Variants in LY6S observed in about 807,000 individuals in gnomAD.
LY6S encodes the protein lymphocyte antigen 6S.
At chr8:143,043,017 C>T in the LY6S span, 1 of 1,367,838 alleles carries the variant, frequency 7.3e-7, no homozygotes, top group Non-Finnish European at 9.8e-7. Context: ...TGAAAAGCCA[C>T]ACCAGAATTC....
At chr8:143,070,460 ATATAATATATATATAAAT>A in the LY6S span, among the ~76,000 whole-genome samples, 155 of 44,730 alleles carry the variant, frequency 3.5e-3, 5 homozygotes, top group Admixed American at 0.012. Context: ...ATATATATAT[ATATAATATATATATAAAT>A]ATATATATAT....
At chr8:143,049,314 A>G in the LY6S span, 3 of 534,162 alleles carry the variant, frequency 5.6e-6, no homozygotes, top group Non-Finnish European at 1.2e-5. Context: ...CTAAAACGGA[A>G]AAGACATCTT....
At chr8:143,043,557 C>G in the LY6S span, among the ~76,000 whole-genome samples, 33 of 152,314 alleles carry the variant, frequency 2.2e-4, no homozygotes, top group African/African-American at 7.7e-4. Flanking sequence ...GTTCTTTCCC[C>G]AGGCAGCCCT....
the LY6S span, among the ~76,000 whole-genome samples, chr8:143,061,912 A>G: frequency 6.6e-6 from 1 of 152,230 alleles, no homozygotes; most frequent in Non-Finnish European, 1.5e-5. Flanking sequence ...ACATGAATTT[A>G]TACAAGATTA....
chr8:143,047,777 C>G, the LY6S span: 59 of 152,178 alleles, frequency 3.9e-4, no homozygotes, highest in African/African-American at 1.4e-3. Flanking sequence ...AGGACCCCCC[C>G]AGAACATGCT....
At chr8:143,051,837 T>G in the LY6S span, among the ~76,000 whole-genome samples, 1 of 150,742 alleles carries the variant, frequency 6.6e-6, no homozygotes, top group Admixed American at 6.6e-5. Flanking sequence ...CCGGGCATGG[T>G]GGCACCCACC....
chr8:143,059,380 G>C, the LY6S span, among the ~76,000 whole-genome samples: 1 of 151,974 alleles, frequency 6.6e-6, no homozygotes, highest in Non-Finnish European at 1.5e-5. Flanking sequence ...TGTGAGGTTT[G>C]GGGTCATGAT....
the LY6S span, among the ~76,000 whole-genome samples, chr8:143,056,219 G>A: frequency 6.7e-4 from 97 of 144,590 alleles, no homozygotes; most frequent in African/African-American, 2.4e-3. Context: ...AAGAGAAACC[G>A]GCAACTAGAT....
the LY6S span, chr8:143,057,454 T>TG: frequency 1.8e-4 from 108 of 587,386 alleles, no homozygotes; most frequent in East Asian, 3.6e-3. Flanking sequence ...TTCACCATAT[T>TG]GGCCAGGCTG....
At chr8:143,057,088 G>T in the LY6S span, 1 of 300,964 alleles carries the variant, frequency 3.3e-6, no homozygotes, top group Non-Finnish European at 6.8e-6. Context: ...TTTCTGGCTT[G>T]TTTGTGCAAC....
chr8:143,070,440 TATATTG>T, the LY6S span, among the ~76,000 whole-genome samples: 46 of 74,942 alleles, frequency 6.1e-4, 3 homozygotes, highest in African/African-American at 4.0e-3. Flanking sequence ...ATATTATATA[TATATTG>T]TATATATATA....
At chr8:143,073,162 G>A in the LY6S span, among the ~76,000 whole-genome samples, 1 of 148,718 alleles carries the variant, frequency 6.7e-6, no homozygotes, top group African/African-American at 2.5e-5. Context: ...CGTCGTCCCC[G>A]GGGTTCCTGT....
the LY6S span, chr8:143,057,325 C>T: frequency 2.7e-6 from 1 of 364,126 alleles, no homozygotes; most frequent in Non-Finnish European, 5.3e-6. Context: ...TCTCGGCTCA[C>T]TGCAATCTCC....
At chr8:143,044,040 A>AGCTGAGGGTGCTGAGGGT in the LY6S span, 8 of 432,996 alleles carry the variant, frequency 1.8e-5, no homozygotes, top group East Asian at 2.1e-4. Flanking sequence ...CAGCTCCGAG[A>AGCTGAGGGTGCTGAGGGT]GCTGAGGGTG....
chr8:143,057,436 A>C, the LY6S span: 1 of 515,704 alleles, frequency 1.9e-6, no homozygotes, highest in Admixed American at 2.7e-5. Flanking sequence ...TTTTAGTAGA[A>C]ACAGGGTTTC....
the LY6S span, among the ~76,000 whole-genome samples, chr8:143,067,711 C>A: frequency 6.6e-6 from 1 of 152,188 alleles, no homozygotes; most frequent in Non-Finnish European, 1.5e-5. Context: ...GGGAGAAGGT[C>A]AGCAGGGAAA....
chr8:143,067,786 C>G, the LY6S span, among the ~76,000 whole-genome samples: 5 of 152,174 alleles, frequency 3.3e-5, no homozygotes, highest in African/African-American at 7.2e-5. Flanking sequence ...TGGATGTGCA[C>G]GTAGGCTAGA....
At chr8:143,066,148 ATTTCT>A in the LY6S span, 1,496 of 253,436 alleles carry the variant, frequency 5.9e-3, 12 homozygotes, top group African/African-American at 0.019. Context: ...CCAATGATGA[ATTTCT>A]TTTCTTTTCT....
the LY6S span, chr8:143,049,431 A>T: frequency 2.6e-6 from 1 of 385,160 alleles, no homozygotes; most frequent in East Asian, 7.3e-5. Flanking sequence ...TTCCAGAGGA[A>T]TCAGGGACAA....
Sources: allele counts gnomAD v4.1 joint callset (sites outside exome capture counted in the v4.1 genomes callset), GRCh38; gene constraint gnomAD v4.1.1; transcripts MANE v1.5; gene names NCBI Gene and HGNC (gene_info 2026-07-23, HGNC 2026-07-21).